BIRC6: variants seen among roughly 807,000 people sequenced by gnomAD.
BIRC6 encodes the protein baculoviral IAP repeat containing 6.
A neutral mutation model predicts 503.3 loss-of-function variants in BIRC6; 98 were observed. The observed-to-expected ratio is 0.19, with a 90% CI of 0.17 to 0.23. The LOEUF (loss-of-function observed/expected upper bound fraction) is 0.23, where lower values mean the gene tolerates loss of function less well. Ranked by LOEUF, BIRC6 falls within the 10% of genes least tolerant of loss-of-function variation. BIRC6 has a pLI of 1.00. For synonymous variants in BIRC6, 2,240 were observed against 2,078.7 expected (o/e 1.08, Z -2.11); for missense variants, 5,360 against 5,806.0 (o/e 0.92, Z 2.50).
intron 30 of BIRC6, among the ~76,000 whole-genome samples, chr2:32,469,837 C>A (rs948952148): frequency 6.6e-6 from 1 of 152,108 alleles, no homozygotes; most frequent in Non-Finnish European, 1.5e-5. Context: ...AACTTGTGGA[C>A]TTCATAGATC....
intron 73 of BIRC6, among the ~76,000 whole-genome samples, chr2:32,614,515 G>A (rs571574139): frequency 2.8e-4 from 42 of 152,266 alleles, no homozygotes; most frequent in Admixed American, 9.8e-4. Flanking sequence ...TACATTTGCT[G>A]TTGAGTGCTA....
chr2:32,448,730 G>A, intron 21 of BIRC6, 65 bp from the exon 22 acceptor site: 1 of 1,503,920 alleles, frequency 6.6e-7, no homozygotes, highest in Non-Finnish European at 9.1e-7. Flanking sequence ...TTAAAACTAA[G>A]TAAAGGTAAT....
intron 10 of BIRC6, among the ~76,000 whole-genome samples, chr2:32,421,013 C>T (rs1375204103): frequency 6.7e-6 from 1 of 149,760 alleles, no homozygotes; most frequent in Admixed American, 6.7e-5. Flanking sequence ...TCTGTTTTCC[C>T]ATTTACTGGA....
chr2:32,599,968 G>C, intron 70 of BIRC6, 68 bp downstream of exon 70: 3 of 1,490,240 alleles, frequency 2.0e-6, no homozygotes, highest in Non-Finnish European at 2.7e-6. Context: ...GTAATTTGAA[G>C]AAAAATTTTG....
Position 32,599,795 on chromosome 2 carries a change from T to C in BIRC6, c.13887T>C (p.Asp4629=). The C allele has an allele frequency of 6.2e-7, 1 of 1,613,946 alleles. No homozygotes were observed. The highest frequency in any genetic ancestry group is 8.5e-7 in the Non-Finnish European group (1 of 1,179,826). ...TPYANGCFEF[D]VYFPQDYPSS... ...ATGCAAATGGCTGCTTTGAGTTTGATGTGTATTTTCCTCAAGATTATCCCA... is the reference window on the plus strand; with the variant it reads ...ATGCAAATGGCTGCTTTGAGTTTGACGTGTATTTTCCTCAAGATTATCCCA... Residue 4629 remains aspartate (D), a synonymous_variant, in exon 70 of 74, where the codon GAT becomes GAC. Transcript: ENST00000421745.
chr2:32,427,221 C>T (rs1388807286), intron 10 of BIRC6, among the ~76,000 whole-genome samples: 1 of 152,038 alleles, frequency 6.6e-6, no homozygotes, highest in African/African-American at 2.4e-5. Flanking sequence ...ATTCCCATTA[C>T]ATGTATGTTC....
rs192110214 is a variant in BIRC6 at position 32,539,497 on chromosome 2, G to T, written c.12292-3744G>T. Among the ~76,000 whole-genome samples, 71 of 152,228 alleles carry T rather than the reference G, an allele frequency of 4.7e-4. 1 individual carries two copies. The highest frequency in any genetic ancestry group is 1.5e-3 in the African/African-American group (61 of 41,542). ...CCCAGTATGTTCTGTGACCACATCA[G>T]AATTAAATTGGAAACCAATAGCGGT... On this transcript the variant is annotated intron_variant, in intron 61 of 73. Coordinates refer to ENST00000421745, the MANE Select transcript of BIRC6 (RefSeq NM_016252.4).
intron 44 of BIRC6, 99 bp from the exon 45 acceptor site, chr2:32,493,441 A>G: frequency 2.7e-6 from 3 of 1,118,590 alleles, no homozygotes; most frequent in Non-Finnish European, 2.5e-6. Context: ...GAAAAGTTAC[A>G]GTGTATAGCT....
intron 61 of BIRC6, among the ~76,000 whole-genome samples, chr2:32,535,519 T>C (rs1293246906): frequency 6.6e-6 from 1 of 152,190 alleles, no homozygotes; most frequent in African/African-American, 2.4e-5. Flanking sequence ...GTGTTCTCAT[T>C]GTTCAATTCC....
At chr2:32,470,411 A>G (rs1248188161) in intron 31 of BIRC6, 110 bp downstream of exon 31, 3 of 1,095,766 alleles carry the variant, frequency 2.7e-6, no homozygotes, top group Non-Finnish European at 3.8e-6. Context: ...CACATTTAAT[A>G]TTTTTATGAT....
At chr2:32,476,439 C>A in intron 34 of BIRC6, 95 bp downstream of exon 34, 1 of 1,319,344 alleles carries the variant, frequency 7.6e-7, no homozygotes, top group Non-Finnish European at 1.0e-6. Context: ...CATTACTCTG[C>A]TTAACAGAGA....
At chr2:32,535,460 C>T (rs1250513999) in intron 61 of BIRC6, among the ~76,000 whole-genome samples, 2 of 152,146 alleles carry the variant, frequency 1.3e-5, no homozygotes, top group Non-Finnish European at 2.9e-5. Flanking sequence ...CCCCTCCTCC[C>T]ACCCCACAAC....
intron 1 of BIRC6, among the ~76,000 whole-genome samples, chr2:32,364,770 T>C (rs2034643529): frequency 6.6e-6 from 1 of 151,606 alleles, no homozygotes; most frequent in Non-Finnish European, 1.5e-5. Flanking sequence ...TTTTTTTTTT[T>C]TTTTCTTTCC....
In BIRC6 at chr2:32,388,871, T is replaced by C. The variant is rs766815526; in HGVS notation, c.767T>C (p.Met256Thr). Residue 256 changes from methionine to threonine, a missense_variant, in exon 4 of 74, where the codon ATG (methionine) becomes ACG (threonine). Transcript: ENST00000421745. ...GCCTTACCTGTGGCGTCCTCAGTGATGGACAGATTGTCTTACCTCTTACCT... is the reference window on the plus strand; with the variant it reads ...GCCTTACCTGTGGCGTCCTCAGTGACGGACAGATTGTCTTACCTCTTACCT... ...VAALPVASSV[M>T]DRLSYLLPSA... 6.2e-7 allele frequency: 1 copy of C among 1,612,992 alleles called. No homozygotes were observed. The highest frequency in any genetic ancestry group is 1.7e-5 in the Admixed American group (1 of 59,640).
chr2:32,460,273 T>TATATATATATATATATA (rs1491408691), intron 23 of BIRC6, among the ~76,000 whole-genome samples: 4 of 16,846 alleles, frequency 2.4e-4, no homozygotes, highest in Admixed American at 2.1e-3. Flanking sequence ...TATATATATA[T>TATATATATATATATATA]TTTTTTTTTT....
intron 71 of BIRC6, among the ~76,000 whole-genome samples, chr2:32,603,901 G>T (rs1211833435): frequency 6.6e-6 from 1 of 151,048 alleles, no homozygotes; most frequent in African/African-American, 2.4e-5. Flanking sequence ...CATATATACT[G>T]TATGTTTTTA....
At chr2:32,575,840 C>T (rs2060233344) in intron 66 of BIRC6, among the ~76,000 whole-genome samples, 1 of 152,084 alleles carries the variant, frequency 6.6e-6, no homozygotes, top group African/African-American at 2.4e-5. Flanking sequence ...AAAGTATCCA[C>T]CCAAATTATA....
intron 9 of BIRC6, among the ~76,000 whole-genome samples, chr2:32,410,152 G>C (rs1226416191): frequency 6.6e-6 from 1 of 152,128 alleles, no homozygotes; most frequent in African/African-American, 2.4e-5. Context: ...TTCCTACATA[G>C]ATTAGAAAGA....
chr2:32,454,326 C>T (rs981801888), intron 23 of BIRC6, among the ~76,000 whole-genome samples: 38 of 152,044 alleles, frequency 2.5e-4, no homozygotes, highest in Admixed American at 9.2e-4. Context: ...TACTGTTTCT[C>T]GAACTAGTTT....
Sources: gnomAD v4.1 joint callset for allele counts (sites outside exome capture counted in the v4.1 genomes callset) on GRCh38, gnomAD v4.1.1 for gene constraint, MANE v1.5 for transcripts, NCBI Gene and HGNC (gene_info 2026-07-23, HGNC 2026-07-21) for gene names.